The following PPT1 variants were observed in gnomAD, a reference collection of about 807,000 sequenced individuals.
The protein encoded by PPT1 is palmitoyl-protein thioesterase 1, also known as ceroid-palmitoyl-palmitoyl-protein thioesterase 1.
A neutral mutation model predicts 44.0 loss-of-function variants in PPT1; 24 were observed. The ratio of observed to expected loss-of-function variants is 0.54; its 90% confidence interval spans 0.39 to 0.77. The LOEUF is 0.77. Among genes scored for constraint, PPT1 ranks in the 30% least tolerant of loss-of-function variants. The pLI, the probability that PPT1 is intolerant of heterozygous loss-of-function variation, is 0.00. For missense variants in PPT1, 341 were observed against 378.8 expected (o/e 0.90, Z 0.83); for synonymous variants, 148 against 140.2 (o/e 1.06, Z -0.39).
intron 6 of PPT1, among the ~76,000 whole-genome samples, chr1:40,079,282 G>C (rs939336574): frequency 2.6e-5 from 4 of 151,974 alleles, no homozygotes; most frequent in Non-Finnish European, 5.9e-5. Flanking sequence ...CTTTGCTATG[G>C]TGAACAGTGC....
intron 5 of PPT1, among the ~76,000 whole-genome samples, chr1:40,083,482 G>A (rs957393814): frequency 3.3e-5 from 5 of 152,140 alleles, no homozygotes; most frequent in African/African-American, 1.2e-4. Context: ...ATTAAAAAAA[G>A]TTTAAAAACA....
In PPT1 at chr1:40,073,178, A is replaced by C. The variant is rs1018477778; in HGVS notation, c.*883T>G. On this transcript the variant is annotated 3_prime_UTR_variant, in exon 9 of 9. Transcript: ENST00000642050. ...GTATGCTGGTAAATGTGTTTTGGGG[A>C]TGGAAGTCAGAAAGCCTGATCTTTT... is the stretch of plus-strand genomic sequence containing the variant. The C allele has an allele frequency of 6.6e-5, 10 of 152,208 alleles. No homozygotes were observed. The highest frequency in any genetic ancestry group is 2.4e-4 in the African/African-American group (10 of 41,444). The allele number at this position is 152,208 out of a possible 1,614,324, so 9.4% of individuals were successfully genotyped here.
chr1:40,075,474 A>AG (rs1305346714), intron 8 of PPT1, among the ~76,000 whole-genome samples: 1 of 106,932 alleles, frequency 9.4e-6, no homozygotes, highest in Non-Finnish European at 2.0e-5. Flanking sequence ...TAATTTCTCA[A>AG]GCCTTTTTTT....
At chr1:40,074,255 C>G in intron 8 of PPT1, 72 bp from the exon 9 acceptor site, 2 of 1,576,706 alleles carry the variant, frequency 1.3e-6, no homozygotes, top group Non-Finnish European at 1.7e-6. Flanking sequence ...AGTACGTTAA[C>G]TTGAGATATA....
intron 1 of PPT1, among the ~76,000 whole-genome samples, chr1:40,096,263 T>C (rs955787031): frequency 6.6e-6 from 1 of 152,230 alleles, no homozygotes; most frequent in Non-Finnish European, 1.5e-5. Flanking sequence ...CCATTTGATA[T>C]GTTATGTTTT....
Position 40,073,665 on chromosome 1 carries a change from C to T in PPT1, c.*396G>A. 1 of 244,738 alleles carries T rather than the reference C, an allele frequency of 4.1e-6. No homozygotes were observed. The highest frequency in any genetic ancestry group is 4.8e-5 in the South Asian group (1 of 20,766). 15.2% of individuals were successfully genotyped at this position (244,738 alleles called of 1,614,324 possible). ...AAGCATTTATGTGAGTACCTCAGGC[C>T]TGGGCACCTCTTTGCTTGAAATATG... On this transcript the variant is annotated 3_prime_UTR_variant, in exon 9 of 9. Transcript: ENST00000642050.
chr1:40,074,151 T>G lies in PPT1; in HGVS notation c.831A>C (p.Ala277=), dbSNP rs1490280898. ...CTGTAGCCAGAAACACTAGCTGTCC[T>G]GCATTGTCCATTTCCTTTAGCCCCA... ...DRLGLKEMDN[A]GQLVFLATEG... The change falls in exon 9 of 9, where the codon GCA becomes GCC. Residue 277 remains alanine, a synonymous_variant. Coordinates refer to ENST00000642050, the MANE Select transcript of PPT1 (RefSeq NM_000310.4). The G allele has an allele frequency of 1.2e-6, 2 of 1,614,084 alleles. No homozygotes were observed. Among genetic ancestry groups the G allele is most frequent in the South Asian group, 1.1e-5 (1 of 91,092 alleles).
At chr1:40,078,689 A>C (rs372377037) in intron 6 of PPT1, 31 bp from the exon 7 acceptor site, 65 of 1,556,456 alleles carry the variant, frequency 4.2e-5, no homozygotes, top group Non-Finnish European at 5.5e-5. Context: ...ACCTAAGGTC[A>C]TTACCATCAG....
intron 5 of PPT1, 116 bp downstream of exon 5, chr1:40,089,294 A>AAAAAAAAAAAAAAAAAG: frequency 1.7e-6 from 1 of 603,014 alleles, no homozygotes; most frequent in East Asian, 3.8e-5. Context: ...CTCAAAAAAA[A>AAAAAAAAAAAAAAAAAG]AGATCTCATT....
chr1:40,074,321 C>T, intron 8 of PPT1, 138 bp from the exon 9 acceptor site: 1 of 1,036,740 alleles, frequency 9.6e-7, no homozygotes, highest in Middle Eastern at 2.3e-4. Flanking sequence ...TTCAAAAATG[C>T]CAAAAAGAAT....
At chr1:40,093,022 T>C (rs1649653284) in intron 1 of PPT1, among the ~76,000 whole-genome samples, 1 of 152,188 alleles carries the variant, frequency 6.6e-6, no homozygotes, top group African/African-American at 2.4e-5. Context: ...CAACTCCTAG[T>C]TATACACCCC....
rs1649908787 is a variant in PPT1 at position 40,097,206 on chromosome 1, A to T, written c.33T>A (p.Ala11=). ...CGCAGGTCCATGGCAGGAGAGCCACAGCCAAGAGCCACAGGCAGCCGGGCG... is the reference window on the plus strand; with the variant it reads ...CGCAGGTCCATGGCAGGAGAGCCACTGCCAAGAGCCACAGGCAGCCGGGCG... MASPGCLWLL[A]VALLPWTCAS... The change falls in exon 1 of 9, where the codon GCT becomes GCA. Residue 11 remains alanine (A), a synonymous_variant. Transcript: ENST00000642050. 1 of 1,614,002 alleles carries T rather than the reference A, an allele frequency of 6.2e-7. No homozygotes were observed. Among genetic ancestry groups the T allele is most frequent in the Non-Finnish European group, 8.5e-7 (1 of 1,179,944 alleles).
chr1:40,091,717 T>C (rs965353436), intron 3 of PPT1, among the ~76,000 whole-genome samples: 26 of 151,832 alleles, frequency 1.7e-4, no homozygotes, highest in Non-Finnish European at 2.4e-4. Flanking sequence ...TACAAAAAAT[T>C]AGCTAGGTGT....
At chr1:40,072,354 T>C, downstream of PPT1, 2 of 326,710 alleles carry the variant, frequency 6.1e-6, no homozygotes, top group Admixed American at 4.9e-5. Context: ...TGCCTCCTTT[T>C]CCCTGTCATG....
intron 2 of PPT1, 75 bp downstream of exon 2, chr1:40,092,322 AG>A: frequency 2.6e-6 from 4 of 1,529,344 alleles, no homozygotes; most frequent in Middle Eastern, 1.7e-4. Flanking sequence ...TGAAAACACA[AG>A]GCAAAGCATT....
In PPT1 at chr1:40,073,169, G is replaced by A. The variant is rs1357079147; in HGVS notation, c.*892C>T. The A allele has an allele frequency of 6.6e-6, 1 of 152,284 alleles. No individual in the cohort carries two copies. Among genetic ancestry groups the A allele is most frequent in the Non-Finnish European group, 1.5e-5 (1 of 68,010 alleles). 9.4% of individuals were successfully genotyped at this position (152,284 alleles called of 1,614,324 possible). A position where few individuals can be genotyped will look rare whatever the true frequency, so the allele number is the denominator to read the frequency against. On this transcript the variant is annotated 3_prime_UTR_variant, in exon 9 of 9. Transcript: ENST00000642050. Reference sequence around the variant, plus strand: ...CAGTTTGGAGTATGCTGGTAAATGTGTTTTGGGGATGGAAGTCAGAAAGCC... The same window carrying A: ...CAGTTTGGAGTATGCTGGTAAATGTATTTTGGGGATGGAAGTCAGAAAGCC...
intron 7 of PPT1, among the ~76,000 whole-genome samples, chr1:40,078,234 G>A (rs1648728352): frequency 6.6e-6 from 1 of 152,140 alleles, no homozygotes; most frequent in Non-Finnish European, 1.5e-5. Context: ...GTCTCGCTCT[G>A]TCACCCAGGC....
intron 1 of PPT1, among the ~76,000 whole-genome samples, chr1:40,093,243 A>G (rs985328810): frequency 2.6e-5 from 4 of 151,814 alleles, no homozygotes; most frequent in African/African-American, 9.7e-5. Flanking sequence ...CCTCAGAAAC[A>G]TTATACTAAG....
chr1:40,091,509 A>T, intron 3 of PPT1, 110 bp from the exon 4 acceptor site: 1 of 985,840 alleles, frequency 1.0e-6, no homozygotes, highest in South Asian at 1.4e-5. Flanking sequence ...AAACCCGCAG[A>T]GTTTCAGGAT....
Sources: allele counts gnomAD v4.1 joint callset (sites outside exome capture counted in the v4.1 genomes callset), GRCh38; gene constraint gnomAD v4.1.1; transcripts MANE v1.5; gene names NCBI Gene and HGNC (gene_info 2026-07-23, HGNC 2026-07-21).